Variants in EPHA10 observed in about 807,000 individuals in gnomAD.
EPHA10 encodes the protein ephrin type-A receptor 10.
In EPHA10, 120 loss-of-function variants were observed where a neutral mutation model predicts 109.7. That is an observed-to-expected ratio of 1.09 (90% CI 0.94 to 1.27). The LOEUF is 1.27. Among genes scored for constraint, EPHA10 ranks in the 50% most tolerant of loss-of-function variants. The pLI, the probability that EPHA10 is intolerant of heterozygous loss-of-function variation, is 0.00. For synonymous variants in EPHA10, 640 were observed against 618.9 expected (o/e 1.03, Z -0.51); for missense variants, 1,396 against 1,411.1 (o/e 0.99, Z 0.17).
chr1:37,762,068 C>G lies in EPHA10; in HGVS notation c.187G>C (p.Gly63Arg). 1.9e-6 allele frequency: 3 copies of G among 1,588,056 alleles called. No individual in the cohort carries two copies. Among genetic ancestry groups the G allele is most frequent in the Non-Finnish European group, 2.6e-6 (3 of 1,164,552 alleles). ...ATGGGACGGTCGTGTTCATCCACGC[C>G]GCTGATCTCCTCCCACTGGGGACAA... ...LPSNGWEEIS[G>R]VDEHDRPIRT... The change falls in exon 3 of 17, where the codon GGC becomes CGC. Residue 63 changes from glycine to arginine, a missense_variant. Gly to Arg is a moderately radical substitution (Grantham distance 125). Transcript: ENST00000373048.
At chr1:37,759,435 A>C (rs1432368528) in intron 3 of EPHA10, among the ~76,000 whole-genome samples, 3 of 151,660 alleles carry the variant, frequency 2.0e-5, no homozygotes, top group Non-Finnish European at 4.4e-5. Context: ...AAACCTTCTC[A>C]CCTTCTCTGG....
chr1:37,753,034 G>C lies in EPHA10; in HGVS notation c.1199C>G (p.Pro400Arg), dbSNP rs1289081385. Residue 400 changes from proline to arginine, a missense_variant, in exon 5 of 17, where the codon CCG becomes CGG. Coordinates refer to ENST00000373048, the MANE Select transcript of EPHA10 (RefSeq NM_001099439.2). ...EPCGPRVAFL[P>R]RQAGLRERAA... is the part of the protein sequence containing the mutation. ...TCGCTCCCGCAGCCCTGCCTGGCGC[G>C]GTAGGAAGGCCACGCGCGGCCCGCA... 8 of 1,233,398 alleles carry C rather than the reference G, an allele frequency of 6.5e-6. No homozygotes were observed. Among genetic ancestry groups the C allele is most frequent in the South Asian group, 3.0e-5 (1 of 33,222 alleles). 76.4% of individuals were successfully genotyped at this position (1,233,398 alleles called of 1,614,324 possible). A position where few individuals can be genotyped will look rare whatever the true frequency, so the allele number is the denominator to read the frequency against.
chr1:37,718,854 G>A (rs1249600522), intron 15 of EPHA10, 38 bp from the exon 16 acceptor site: 1 of 1,571,248 alleles, frequency 6.4e-7, no homozygotes, highest in African/African-American at 1.3e-5. Flanking sequence ...CGACAGCTGG[G>A]ATCTGGGCCC....
intron 2 of EPHA10, among the ~76,000 whole-genome samples, chr1:37,762,471 TCAA>T (rs1008990052): frequency 2.9e-4 from 44 of 152,264 alleles, no homozygotes; most frequent in Middle Eastern, 3.4e-3. Context: ...TGTCAATCAA[TCAA>T]CAACATTGCT....
intron 16 of EPHA10, 67 bp downstream of exon 16, chr1:37,718,594 G>C: frequency 1.9e-6 from 3 of 1,612,624 alleles, no homozygotes; most frequent in Admixed American, 1.7e-5. Context: ...GGACTCCCCA[G>C]TATAGGCAGG....
intron 5 of EPHA10, 151 bp downstream of exon 5, chr1:37,752,725 T>C (rs1018409164): frequency 4.6e-6 from 2 of 438,654 alleles, no homozygotes; most frequent in African/African-American, 5.0e-5. Context: ...GGGGTGACTT[T>C]GTGTCCCGGA....
At chr1:37,737,328 C>T (rs1383852905) in intron 5 of EPHA10, among the ~76,000 whole-genome samples, 1 of 152,178 alleles carries the variant, frequency 6.6e-6, no homozygotes, top group African/African-American at 2.4e-5. Context: ...CACACACTCA[C>T]ACACAAAAGG....
intron 9 of EPHA10, 28 bp downstream of exon 9, chr1:37,723,283 C>T: frequency 6.2e-7 from 1 of 1,612,430 alleles, no homozygotes; most frequent in Non-Finnish European, 8.5e-7. Flanking sequence ...GGAGCCCGCC[C>T]CTCCCCAGCC....
At chr1:37,758,546 G>T (rs893847875) in intron 3 of EPHA10, among the ~76,000 whole-genome samples, 2 of 152,162 alleles carry the variant, frequency 1.3e-5, no homozygotes, top group Non-Finnish European at 2.9e-5. Flanking sequence ...TCCCAACTCT[G>T]TAGGGCATTC....
chr1:37,755,417 AG>A (rs919644529), intron 3 of EPHA10, among the ~76,000 whole-genome samples: 1 of 152,120 alleles, frequency 6.6e-6, no homozygotes, highest in Non-Finnish European at 1.5e-5. Context: ...AGCCAGGTGG[AG>A]GGGGGTGGGT....
In EPHA10 at chr1:37,765,049, A is replaced by C. The variant is rs781001675; in HGVS notation, c.18T>G (p.Gly6=). Residue 6 remains glycine (G), a synonymous_variant, in exon 1 of 17, where the codon GGT becomes GGG. Transcript: ENST00000373048. METCA[G]PHPLRLFLCR... ...AGAGGAAGAGGCGCAGCGGGTGTGG[A>C]CCGGCGCAGGTCTCCATGGTCCGCA... 6.2e-7 allele frequency: 1 copy of C among 1,604,354 alleles called. No homozygotes were observed.
chr1:37,755,330 A>G (rs1423276607), intron 3 of EPHA10, among the ~76,000 whole-genome samples: 2 of 144,146 alleles, frequency 1.4e-5, no homozygotes, highest in East Asian at 2.1e-4. Context: ...GCATACATGC[A>G]CACACACACA....
At chr1:37,720,108 G>T (rs1235696905) in intron 13 of EPHA10, 50 bp from the exon 14 acceptor site, 2 of 1,603,848 alleles carry the variant, frequency 1.2e-6, no homozygotes, top group Non-Finnish European at 1.7e-6. Context: ...TGACACGCAG[G>T]TTTCCCCACC....
intron 5 of EPHA10, among the ~76,000 whole-genome samples, chr1:37,739,681 CCT>C (rs1646123467): frequency 8.1e-6 from 1 of 123,976 alleles, no homozygotes; most frequent in African/African-American, 3.1e-5. Flanking sequence ...AGAGTGAGAC[CCT>C]GTCTCAAAAA....
In EPHA10 at chr1:37,764,977, A is replaced by C; in HGVS notation, c.90T>G (p.Pro30=). ...TCTTCTCACCTTCCTCGGCGGTCCCAGGCCGCCAGGGTCCCAAAAGCAGCG... is the reference window on the plus strand; with the variant it reads ...TCTTCTCACCTTCCTCGGCGGTCCCCGGCCGCCAGGGTCCCAAAAGCAGCG... ...CLALLLGPWR[P]GTAEEVILLD... is the part of the protein sequence containing the mutation. Residue 30 remains proline (P), a synonymous_variant, in exon 1 of 17, where the codon CCT becomes CCG. Coordinates refer to ENST00000373048, the MANE Select transcript of EPHA10 (RefSeq NM_001099439.2). This position sits in a 1 kb window ranked among gnomAD's most constrained non-coding sequence, Gnocchi z 5.8. 1 of 1,608,218 alleles carries C rather than the reference A, an allele frequency of 6.2e-7. No individual in the cohort carries two copies. The highest frequency in any genetic ancestry group is 8.5e-7 in the Non-Finnish European group (1 of 1,178,290).
chr1:37,734,466 G>A (rs1646036657), intron 6 of EPHA10: 1 of 351,158 alleles, frequency 2.8e-6, no homozygotes, highest in South Asian at 2.4e-5. Flanking sequence ...CCTGGGAGAC[G>A]GAGGTTGCAG....
At chr1:37,731,657 C>T (rs1159528124) in intron 6 of EPHA10, 75 bp from the exon 7 acceptor site, 1 of 1,454,830 alleles carries the variant, frequency 6.9e-7, no homozygotes, top group Non-Finnish European at 9.2e-7. Flanking sequence ...TGAACAGGAA[C>T]AGGGAGGCAG....
intron 7 of EPHA10, 29 bp downstream of exon 7, chr1:37,731,382 G>A: frequency 6.4e-7 from 1 of 1,558,218 alleles, no homozygotes; most frequent in Non-Finnish European, 8.7e-7. Flanking sequence ...CTCTGTCTAG[G>A]TCCCTGTCCA....
At position 37,761,400 on chromosome 1, in the gene EPHA10, G is replaced by T; in HGVS notation, c.850+5C>A. ...CCACCCCACGGCCCCCAGCCAACTG[G>T]ATACCTTCGCAGAAGTCACCACGCT... On this transcript the variant is annotated splice_donor_5th_base_variant and intron_variant, in intron 3 of 16. Transcript: ENST00000373048. 6.3e-7 allele frequency: 1 copy of T among 1,598,450 alleles called. No homozygotes were observed. Among genetic ancestry groups the T allele is most frequent in the Non-Finnish European group, 8.5e-7 (1 of 1,179,464 alleles).
Sources: allele counts gnomAD v4.1 joint callset (sites outside exome capture counted in the v4.1 genomes callset), GRCh38; gene constraint gnomAD v4.1.1; non-coding constraint Gnocchi (gnomAD v3.1); transcripts MANE v1.5; gene names NCBI Gene and HGNC (gene_info 2026-07-23, HGNC 2026-07-21).